The following RSPH3 variants were observed in gnomAD, a reference collection of about 807,000 sequenced individuals.
RSPH3 encodes radial spoke head 3, also known as radial spoke head protein 3 homolog.
Under a neutral mutation model 43.8 loss-of-function variants are expected in RSPH3, and 21 were observed. That is an observed-to-expected ratio of 0.48 (90% confidence interval 0.34 to 0.69). RSPH3 has a LOEUF of 0.69. Among genes scored for constraint, RSPH3 ranks in the 30% least tolerant of loss-of-function variants. The pLI is 0.01. For missense variants in RSPH3, 487 were observed against 516.0 expected (o/e 0.94, Z 0.54); for synonymous variants, 173 against 179.8 (o/e 0.96, Z 0.30).
At chr6:158,992,248 C>T (rs1330636438) in intron 2 of RSPH3, among the ~76,000 whole-genome samples, 1 of 151,938 alleles carries the variant, frequency 6.6e-6, no homozygotes, top group Non-Finnish European at 1.5e-5. Flanking sequence ...GCACACTGAG[C>T]TTCCCTCAAT....
At chr6:158,982,798 G>T in intron 4 of RSPH3, 110 bp from the exon 5 acceptor site, 1 of 716,148 alleles carries the variant, frequency 1.4e-6, no homozygotes. Context: ...TGTCTCCTGT[G>T]TGCCAGACAC....
At chr6:158,998,232 A>ACT (rs1285841011) in intron 1 of RSPH3, among the ~76,000 whole-genome samples, 52 of 143,982 alleles carry the variant, frequency 3.6e-4, no homozygotes, top group Middle Eastern at 3.8e-3. Context: ...CGGGCGGATC[A>ACT]TGAGGTCAGG....
At chr6:158,967,829 TTC>T in the RSPH3 span, among the ~76,000 whole-genome samples, 422 of 152,336 alleles carry the variant, frequency 2.8e-3, 4 homozygotes, top group Non-Finnish European at 4.6e-3. Flanking sequence ...AATACATTTC[TTC>T]ACCTCTTGTA....
In RSPH3 at chr6:158,989,646, T is replaced by C. The variant is rs1036437844; in HGVS notation, c.205-3225A>G. ...GTAGTCTCACCTCCCCATTTTGTTT[T>C]TGGCTGTACTCAGGGGTATTTCTCT... On this transcript the variant is annotated intron_variant, in intron 2 of 7. Coordinates refer to ENST00000367069, the MANE Select transcript of RSPH3 (RefSeq NM_031924.8). This position sits in a 1 kb window ranked among gnomAD's most constrained non-coding sequence, Gnocchi z 4.3. 3.3e-5 allele frequency among the ~76,000 whole-genome samples: 5 copies of C among 152,184 alleles called. No individual in the cohort carries two copies. Among genetic ancestry groups the C allele is most frequent in the Admixed American group, 1.3e-4 (2 of 15,286 alleles).
chr6:158,988,563 C>CT (rs1186794225), intron 2 of RSPH3, among the ~76,000 whole-genome samples: 5 of 152,078 alleles, frequency 3.3e-5, no homozygotes, highest in Admixed American at 6.5e-5. Context: ...TATAAGCAGT[C>CT]TTTGTTTCTT....
chr6:158,985,917 G>A (rs913664097), intron 3 of RSPH3, among the ~76,000 whole-genome samples: 2 of 151,084 alleles, frequency 1.3e-5, no homozygotes, highest in Non-Finnish European at 2.9e-5. Context: ...GGGTTCAAGC[G>A]ATTCTCCTGT....
chr6:158,977,860 A>G lies in RSPH3; in HGVS notation c.947-12T>C, dbSNP rs747072937. On this transcript the variant is annotated splice_polypyrimidine_tract_variant and intron_variant, in intron 7 of 7. Transcript: ENST00000367069. ...CTCACGGATCAACACTGAAAAGTTA[A>G]ATGTTCAGACATCACTATGATTTTC... 8 of 1,589,974 alleles carry G rather than the reference A, an allele frequency of 5.0e-6. 1 individual carries two copies. The South Asian group carries it at 8.0e-5, about 16-fold the overall frequency.
At chr6:158,979,980 A>G (rs1471443342) in intron 6 of RSPH3, among the ~76,000 whole-genome samples, 1 of 152,208 alleles carries the variant, frequency 6.6e-6, no homozygotes, top group Admixed American at 6.5e-5. Context: ...GGAAGAGGGT[A>G]AGCGCCTAAC....
At chr6:158,965,196 G>T in the RSPH3 span, among the ~76,000 whole-genome samples, 17,375 of 151,960 alleles carry the variant, frequency 0.11, 1,727 homozygotes, top group East Asian at 0.41. Flanking sequence ...TTTGAATACC[G>T]TAGCTTTGAA....
At chr6:158,966,809 T>C in the RSPH3 span, among the ~76,000 whole-genome samples, 44 of 152,120 alleles carry the variant, frequency 2.9e-4, no homozygotes, top group Non-Finnish European at 8.8e-5. Flanking sequence ...TTTTCTATTC[T>C]CTATTTCATT....
intron 1 of RSPH3, among the ~76,000 whole-genome samples, chr6:158,996,038 G>T (rs1778583393): frequency 6.6e-6 from 1 of 152,030 alleles, no homozygotes; most frequent in Non-Finnish European, 1.5e-5. Flanking sequence ...CACATAACAT[G>T]TTCACAGGTT....
At chr6:158,996,242 A>G (rs78483934) in intron 1 of RSPH3, among the ~76,000 whole-genome samples, 2,709 of 152,320 alleles carry the variant, frequency 0.018, 34 homozygotes, top group Non-Finnish European at 0.024. Flanking sequence ...AAAATGAGGG[A>G]ATGTCATTAT....
intron 1 of RSPH3, 107 bp from the exon 2 acceptor site, chr6:158,994,033 T>C (rs557975482): frequency 1.8e-4 from 109 of 607,388 alleles, no homozygotes; most frequent in African/African-American, 1.5e-3. Flanking sequence ...TTTAAGAAAA[T>C]AAATTTCTGT....
the RSPH3 span, among the ~76,000 whole-genome samples, chr6:158,963,807 G>C: frequency 6.6e-6 from 1 of 151,958 alleles, no homozygotes; most frequent in East Asian, 1.9e-4. Context: ...GTCCAGGCTG[G>C]TCTCAAACTC....
downstream of RSPH3, among the ~76,000 whole-genome samples, chr6:158,969,347 C>T (rs1224698049): frequency 6.6e-6 from 1 of 152,144 alleles, no homozygotes; most frequent in African/African-American, 2.4e-5. Flanking sequence ...TGCCTTTTGG[C>T]CTTCATGATG....
Position 158,993,907 on chromosome 6 carries a change from A to G in RSPH3, c.136T>C (p.Tyr46His). 6.2e-7 allele frequency: 1 copy of G among 1,608,742 alleles called. No individual in the cohort carries two copies. The highest frequency in any genetic ancestry group is 8.5e-7 in the Non-Finnish European group (1 of 1,175,320). The stretch of plus-strand genomic sequence containing the variant: ...CTTCTGTCATACATTATGTTTCCAT[A>G]ATGCATAGGTTCTTCATCTCTGTAA... ...LTQPDEEPMHYGNIMYDRRVI... is the reference protein window; with the variant it reads ...LTQPDEEPMHHGNIMYDRRVI... Residue 46 changes from tyrosine to histidine, a missense_variant, in exon 2 of 8, where the codon TAT (tyrosine) becomes CAT (histidine). Physicochemically the swap from Tyr to His is moderately conservative, Grantham distance 83. Coordinates refer to ENST00000367069, the MANE Select transcript of RSPH3 (RefSeq NM_031924.8).
In RSPH3 at chr6:158,976,241, C is replaced by G. The variant is rs1479199974; in HGVS notation, c.*1297G>C. The G allele has an allele frequency of 6.6e-6, 1 of 152,172 alleles. No homozygotes were observed. The highest frequency in any genetic ancestry group is 1.5e-5 in the Non-Finnish European group (1 of 68,028). 9.4% of individuals were successfully genotyped at this position (152,172 alleles called of 1,614,324 possible). ...AATAGGCTCTATTTATCTAAAGGCT[C>G]TGAAGACTTCAGTTATTGCTTACGA... On this transcript the variant is annotated 3_prime_UTR_variant, in exon 8 of 8. Transcript: ENST00000367069.
chr6:158,999,272 C>G (rs1180014572), intron 1 of RSPH3, among the ~76,000 whole-genome samples, 163 bp downstream of exon 1: 2 of 152,264 alleles, frequency 1.3e-5, no homozygotes, highest in Non-Finnish European at 2.9e-5. Context: ...TGCTTCACTC[C>G]TCCACACCAC....
chr6:158,999,913 A>G lies in RSPH3; in HGVS notation c.-363T>C. The G allele has an allele frequency of 6.2e-7, 1 of 1,612,722 alleles. No homozygotes were observed. Among genetic ancestry groups the G allele is most frequent in the African/African-American group, 1.3e-5 (1 of 75,040 alleles). Reference sequence around the variant, plus strand: ...CTCCGCCCAGCCGCGCCACCCAGGTAGGTGCGCCTGCGCTTTGCGAGGTTC... The same window carrying G: ...CTCCGCCCAGCCGCGCCACCCAGGTGGGTGCGCCTGCGCTTTGCGAGGTTC... On this transcript the variant is annotated 5_prime_UTR_variant, in exon 1 of 8. Transcript: ENST00000367069.
Sources: allele counts gnomAD v4.1 joint callset (sites outside exome capture counted in the v4.1 genomes callset), GRCh38; gene constraint gnomAD v4.1.1; non-coding constraint Gnocchi (gnomAD v3.1); transcripts MANE v1.5; gene names NCBI Gene and HGNC (gene_info 2026-07-23, HGNC 2026-07-21).